The following PTK7 variants were observed in gnomAD, a reference collection of about 807,000 sequenced individuals.
PTK7 encodes inactive tyrosine-protein kinase 7.
PTK7 carries 39 observed loss-of-function variants against 116.6 expected under a neutral mutation model. That is an observed-to-expected ratio of 0.33 (90% CI 0.26 to 0.44). The LOEUF is 0.44. PTK7 is among the 20% of genes least tolerant of loss of function. PTK7 has a pLI of 1.00. For synonymous variants in PTK7, 546 were observed against 563.6 expected (o/e 0.97, Z 0.44); for missense variants, 1,169 against 1,425.6 (o/e 0.82, Z 2.90).
At chr6:43,134,908 C>T (rs112907324) in intron 7 of PTK7, among the ~76,000 whole-genome samples, 3 of 151,968 alleles carry the variant, frequency 2.0e-5, no homozygotes, top group African/African-American at 7.2e-5. Context: ...TATGATCACA[C>T]TACTGTACTG....
intron 18 of PTK7, among the ~76,000 whole-genome samples, chr6:43,159,231 T>C (rs1037188482): frequency 1.3e-5 from 2 of 152,226 alleles, no homozygotes; most frequent in African/African-American, 4.8e-5. Flanking sequence ...GCAAATTTGA[T>C]AAGGATTTAT....
chr6:43,146,476 C>T (rs78212025), intron 16 of PTK7, 142 bp from the exon 17 acceptor site: 4 of 560,760 alleles, frequency 7.1e-6, no homozygotes, highest in Non-Finnish European at 9.3e-6. Context: ...CAGTGAACTT[C>T]CCCCTGGGAA....
rs370532092 is a variant in PTK7 at position 43,139,470 on chromosome 6, G to C, written c.1563G>C (p.Thr521=). The C allele has an allele frequency of 6.2e-7, 1 of 1,614,218 alleles. No individual in the cohort carries two copies. The highest frequency in any genetic ancestry group is 1.1e-5 in the South Asian group (1 of 91,076). The change falls in exon 10 of 20, where the codon ACG becomes ACC. Residue 521 remains threonine, a synonymous_variant. Coordinates refer to ENST00000230419, the MANE Select transcript of PTK7 (RefSeq NM_002821.5). This position sits in a 1 kb window ranked among gnomAD's most constrained non-coding sequence, Gnocchi z 4.6. The part of the protein sequence containing the change: ...QQCMEFDKEA[T]VPCSATGREK... ...GCATGGAGTTTGACAAGGAGGCCAC[G>C]GTGCCCTGTTCAGCCACAGGCCGAG...
At chr6:43,154,941 TG>T (rs1051157258) in intron 17 of PTK7, among the ~76,000 whole-genome samples, 2 of 152,230 alleles carry the variant, frequency 1.3e-5, no homozygotes, top group African/African-American at 4.8e-5. Context: ...AGCCTCACCA[TG>T]GGCCCCTCAA....
chr6:43,138,839 G>A lies in PTK7; in HGVS notation c.1229-10G>A, dbSNP rs1164402624. 3.8e-6 allele frequency: 6 copies of A among 1,599,674 alleles called. No individual in the cohort carries two copies. In the African/African-American group the frequency reaches 5.4e-5, roughly 14 times the overall value. On this transcript the variant is annotated splice_polypyrimidine_tract_variant and intron_variant, in intron 7 of 19. Coordinates refer to ENST00000230419, the MANE Select transcript of PTK7 (RefSeq NM_002821.5). ...AAGCAGCCTTCACTGTTTCCTTCCTGTCTGTCTAGCTGTGCCCTCCTGGCT... is the reference window on the plus strand; with the variant it reads ...AAGCAGCCTTCACTGTTTCCTTCCTATCTGTCTAGCTGTGCCCTCCTGGCT...
At chr6:43,119,035 A>G (rs183073152) in intron 1 of PTK7, among the ~76,000 whole-genome samples, 1 of 152,106 alleles carries the variant, frequency 6.6e-6, no homozygotes, top group East Asian at 1.9e-4. Context: ...TGTTGAGATT[A>G]CAGGTATAAG....
At chr6:43,092,572 TC>T (rs144461192) in intron 1 of PTK7, among the ~76,000 whole-genome samples, 1 of 151,914 alleles carries the variant, frequency 6.6e-6, no homozygotes, top group South Asian at 2.1e-4. Flanking sequence ...ATAGAACATA[TC>T]CCCCCCAGGA....
rs540641509 is a variant in PTK7, at chr6:43,118,388, T to C, written c.80-10589T>C. Among the ~76,000 whole-genome samples, 8 of 151,566 alleles carry C rather than the reference T, an allele frequency of 5.3e-5. No individual in the cohort carries two copies. The East Asian group carries it at 1.6e-3, about 29-fold the overall frequency. On this transcript the variant is annotated intron_variant, in intron 1 of 19. Coordinates refer to ENST00000230419, the MANE Select transcript of PTK7 (RefSeq NM_002821.5). ...CCCGTCTCTACTAAAAATACAAAAATTAGCTGGGCGTGGTGGCGGGCACCT... is the reference window on the plus strand; with the variant it reads ...CCCGTCTCTACTAAAAATACAAAAACTAGCTGGGCGTGGTGGCGGGCACCT...
At chr6:43,157,488 G>A (rs1771576618) in intron 17 of PTK7, among the ~76,000 whole-genome samples, 1 of 145,712 alleles carries the variant, frequency 6.9e-6, no homozygotes, top group Non-Finnish European at 1.5e-5. Context: ...GGGATTACAG[G>A]CATGAGTCAC....
Position 43,122,185 on chromosome 6 carries a change from G to A in PTK7, c.80-6792G>A, listed in dbSNP as rs147075974. Among the ~76,000 whole-genome samples the A allele has an allele frequency of 4.0e-3, 611 of 152,302 alleles. 2 individuals carry two copies. The highest frequency in any genetic ancestry group is 0.014 in the African/African-American group (576 of 41,550). On this transcript the variant is annotated intron_variant, in intron 1 of 19. Coordinates refer to ENST00000230419, the MANE Select transcript of PTK7 (RefSeq NM_002821.5). ...CTCTGGGCCACACACATTTGGGGTG[G>A]CTCAAGAGCAGTCCAGAGTTATCAG...
Position 43,130,545 on chromosome 6 carries a change from G to C in PTK7, c.696G>C (p.Gln232His). The change falls in exon 5 of 20, where the codon CAG becomes CAC. Residue 232 changes from glutamine (Q) to histidine (H), a missense_variant. Gln to His is a conservative substitution (Grantham distance 24). This residue lies in a region of PTK7 where 487 missense variants were observed against 549.8 expected (regional missense o/e 0.89). Transcript: ENST00000230419. The stretch of plus-strand genomic sequence containing the variant: ...TTGCCAGGGTGGTGCTGGCACCCCA[G>C]GACGTGGTAGTAGCGAGGTATGAGG... ...ESFARVVLAP[Q>H]DVVVARYEEA... 1 of 1,614,104 alleles carries C rather than the reference G, an allele frequency of 6.2e-7. No homozygotes were observed. The highest frequency in any genetic ancestry group is 1.1e-5 in the South Asian group (1 of 91,052).
intron 5 of PTK7, 164 bp from the exon 6 acceptor site, chr6:43,131,852 C>T (rs1452833186): frequency 5.6e-6 from 5 of 896,572 alleles, no homozygotes; most frequent in Middle Eastern, 3.3e-4. Context: ...CAAGTGTATG[C>T]AGGCACACAC....
At chr6:43,107,170 AT>A (rs1292306326) in intron 1 of PTK7, among the ~76,000 whole-genome samples, 63 of 143,782 alleles carry the variant, frequency 4.4e-4, no homozygotes, top group African/African-American at 1.4e-3. Flanking sequence ...GTGATCTGCC[AT>A]CCTCGACCTC....
chr6:43,142,418 G>A (rs1248375111), intron 13 of PTK7, 119 bp downstream of exon 13: 2 of 1,464,088 alleles, frequency 1.4e-6, no homozygotes, highest in Non-Finnish European at 1.9e-6. Context: ...CAGCGGTGGG[G>A]ATTCGGCCGT....
rs758998329 is a variant in PTK7, at chr6:43,126,376, C to A, written c.80-2601C>A. ...GGTGAGTCACATTTGCAGAGGCCCA[C>A]TGGGGACTCAGTCTGATTCTGCCCA... is the stretch of plus-strand genomic sequence containing the variant. On this transcript the variant is annotated intron_variant, in intron 1 of 19. Coordinates refer to ENST00000230419, the MANE Select transcript of PTK7 (RefSeq NM_002821.5). 2.4e-4 allele frequency among the ~76,000 whole-genome samples: 37 copies of A among 152,150 alleles called. 1 individual carries two copies. Among genetic ancestry groups the A allele is most frequent in the Admixed American group, 3.3e-4 (5 of 15,270 alleles).
At chr6:43,131,831 G>T in intron 5 of PTK7, 185 bp from the exon 6 acceptor site, 1 of 737,670 alleles carries the variant, frequency 1.4e-6, no homozygotes, top group Non-Finnish European at 2.2e-6. Flanking sequence ...ACACCTGCAC[G>T]TGCACCTGAG....
At position 43,141,247 on chromosome 6, in the gene PTK7, T is replaced by G. The variant is rs920513481; in HGVS notation, c.1619-421T>G. ...GACATTTCCACCTAGAGTGAGAGAGTACAGTTGTAGATTCTGAGGAGGAAG... is the reference window on the plus strand; with the variant it reads ...GACATTTCCACCTAGAGTGAGAGAGGACAGTTGTAGATTCTGAGGAGGAAG... On this transcript the variant is annotated intron_variant, in intron 10 of 19. Transcript: ENST00000230419. The surrounding 1 kb of genome is among the most constrained non-coding windows in gnomAD (Gnocchi z 4.9). Among the ~76,000 whole-genome samples, 2 of 152,012 alleles carry G rather than the reference T, an allele frequency of 1.3e-5. No individual in the cohort carries two copies. Among genetic ancestry groups the G allele is most frequent in the Non-Finnish European group, 2.9e-5 (2 of 68,024 alleles).
chr6:43,161,043 C>G lies in PTK7; in HGVS notation c.*162C>G. The G allele has an allele frequency of 9.6e-7, 1 of 1,038,960 alleles. No individual in the cohort carries two copies. The highest frequency in any genetic ancestry group is 1.3e-6 in the Non-Finnish European group (1 of 741,210). 64.4% of individuals were successfully genotyped at this position (1,038,960 alleles called of 1,614,324 possible). A position where few individuals can be genotyped will look rare whatever the true frequency, so the allele number is the denominator to read the frequency against. ...GCAGGGCCTGGCCTTTCCTCCTCTT[C>G]CTCACCCTCATCCTTTGGGAGGCTG... On this transcript the variant is annotated 3_prime_UTR_variant, in exon 20 of 20. Coordinates refer to ENST00000230419, the MANE Select transcript of PTK7 (RefSeq NM_002821.5).
chr6:43,081,865 C>T (rs1487638414), intron 1 of PTK7, among the ~76,000 whole-genome samples: 1 of 152,148 alleles, frequency 6.6e-6, no homozygotes, highest in Non-Finnish European at 1.5e-5. Context: ...GCCTGTTCCT[C>T]CTTGCGCCTG....
Sources: allele counts gnomAD v4.1 joint callset (sites outside exome capture counted in the v4.1 genomes callset), GRCh38; gene constraint gnomAD v4.1.1; regional missense constraint gnomAD v4.1.1; non-coding constraint Gnocchi (gnomAD v3.1); transcripts MANE v1.5; gene names NCBI Gene and HGNC (gene_info 2026-07-23, HGNC 2026-07-21).